Variants in HCRTR1 observed in about 807,000 individuals in gnomAD.
The protein encoded by HCRTR1 is orexin/Hypocretin receptor type 1.
In HCRTR1, 28 loss-of-function variants were observed where a neutral mutation model predicts 40.6. The ratio of observed to expected loss-of-function variants is 0.69; its 90% confidence interval spans 0.51 to 0.95. HCRTR1 has a LOEUF of 0.95. Among genes scored for constraint, HCRTR1 ranks in the 40% least tolerant of loss-of-function variants. HCRTR1 has a pLI of 0.00. For synonymous variants in HCRTR1, 209 were observed against 230.0 expected (o/e 0.91, Z 0.83); for missense variants, 482 against 564.7 (o/e 0.85, Z 1.48).
At position 31,626,795 on chromosome 1, in the gene HCRTR1, T is replaced by C; in HGVS notation, c.1093T>C (p.Phe365Leu). ...PIIYNFLSGK[F>L]REQFKAAFSC... Reference sequence around the variant, plus strand: ...TCTTTTGTCTCCCAACCAAGGCAAATTCCGGGAGCAGTTTAAGGCTGCCTT... The same window carrying C: ...TCTTTTGTCTCCCAACCAAGGCAAACTCCGGGAGCAGTTTAAGGCTGCCTT... The change falls in exon 9 of 9, where the codon TTC (phenylalanine) becomes CTC (leucine). Residue 365 changes from phenylalanine (F) to leucine (L), a missense_variant. Transcript: ENST00000403528. The surrounding 1 kb of genome is among the most constrained non-coding windows in gnomAD (Gnocchi z 4.6). 6.2e-7 allele frequency: 1 copy of C among 1,612,528 alleles called. No homozygotes were observed. The highest frequency in any genetic ancestry group is 8.5e-7 in the Non-Finnish European group (1 of 1,179,080).
chr1:31,620,006 A>T (rs1462319143), intron 4 of HCRTR1, among the ~76,000 whole-genome samples: 30 of 152,326 alleles, frequency 2.0e-4, no homozygotes, highest in Admixed American at 5.2e-4. Context: ...ACAGTCAAGG[A>T]GAGAGGCAAC....
At chr1:31,622,930 A>AG (rs1382190350) in intron 6 of HCRTR1, among the ~76,000 whole-genome samples, 4 of 152,178 alleles carry the variant, frequency 2.6e-5, no homozygotes, top group Admixed American at 1.3e-4. Context: ...GGTCTTGTCA[A>AG]GGTTCCCCAC....
rs1320439747 is a variant in HCRTR1, at chr1:31,623,699, G to A, written c.915G>A (p.Leu305=). The A allele has an allele frequency of 1.2e-6, 2 of 1,614,174 alleles. No individual in the cohort carries two copies. The highest frequency in any genetic ancestry group is 1.1e-5 in the South Asian group (1 of 91,084). The change falls in exon 7 of 9, where the codon CTG becomes CTA. Residue 305 remains leucine, a synonymous_variant. Transcript: ENST00000403528. ...KTAKMLMVVL[L]VFALCYLPIS... is the part of the protein sequence containing the mutation. ...CCAAGATGCTGATGGTGGTGCTGCT[G>A]GTCTTCGCCCTCTGCTACCTGCCCA...
chr1:31,625,381 A>G lies in HCRTR1; in HGVS notation c.1087+263A>G, dbSNP rs1639954580. ...GTGAGTGAGTGGAAGGGCAGGGGCT[A>G]GGCCAGCTCACCCCCAACTCCCACC... On this transcript the variant is annotated intron_variant, in intron 8 of 8. Transcript: ENST00000403528. This position sits in a 1 kb window ranked among gnomAD's most constrained non-coding sequence, Gnocchi z 4.2. Among the ~76,000 whole-genome samples the G allele has an allele frequency of 6.6e-6, 1 of 152,148 alleles. No individual in the cohort carries two copies. Among genetic ancestry groups the G allele is most frequent in the African/African-American group, 2.4e-5 (1 of 41,440 alleles).
At chr1:31,630,661 C>T (rs1640070680), downstream of HCRTR1, 2 of 1,613,100 alleles carry the variant, frequency 1.2e-6, no homozygotes, top group African/African-American at 2.7e-5. Flanking sequence ...CGAAGCTGAG[C>T]CGAATGTTGC....
At chr1:31,620,791 C>T in intron 4 of HCRTR1, 52 bp from the exon 5 acceptor site, 2 of 1,585,120 alleles carry the variant, frequency 1.3e-6, no homozygotes, top group Non-Finnish European at 1.7e-6. Flanking sequence ...CACCTACTCT[C>T]ACATCGCTGG....
In HCRTR1 at chr1:31,619,161, G is replaced by C; in HGVS notation, c.-32G>C. 6.3e-7 allele frequency: 1 copy of C among 1,591,978 alleles called. No individual in the cohort carries two copies. Among genetic ancestry groups the C allele is most frequent in the Non-Finnish European group, 8.5e-7 (1 of 1,170,158 alleles). ...CCTCCTCTCCCTCTGTAGAGCCTAGGATGCCCCTCTGCTGCAGCGGCTCCT... is the reference window on the plus strand; with the variant it reads ...CCTCCTCTCCCTCTGTAGAGCCTAGCATGCCCCTCTGCTGCAGCGGCTCCT... On this transcript the variant is annotated 5_prime_UTR_variant, in exon 3 of 9. Coordinates refer to ENST00000403528, the MANE Select transcript of HCRTR1 (RefSeq NM_001525.3).
downstream of HCRTR1, chr1:31,633,111 C>A: frequency 6.3e-7 from 1 of 1,575,868 alleles, no homozygotes; most frequent in East Asian, 2.2e-5. Flanking sequence ...TGTCCACTAT[C>A]AGGTGGCTCT....
intron 5 of HCRTR1, 47 bp from the exon 6 acceptor site, chr1:31,621,430 T>C (rs1374318334): frequency 7.1e-7 from 1 of 1,399,634 alleles, no homozygotes; most frequent in African/African-American, 1.4e-5. Flanking sequence ...CAGGGCAGGG[T>C]GGGGCTCACG....
In HCRTR1 at chr1:31,623,615, GC is replaced by G; in HGVS notation, c.835del (p.Arg279GlyfsTer9). ...AGCAGGGCCTGAGTGGAGAGCCCCA[GC>G]CCCGGGCCCGCGCCTTCCTGGCTGA... ...LEQGLSGEPQ[P>X]RARAFLAEVK... On this transcript the variant is annotated frameshift_variant, in exon 7 of 9. Coordinates refer to ENST00000403528, the MANE Select transcript of HCRTR1 (RefSeq NM_001525.3). LOFTEE classifies it high-confidence loss of function. The G allele has an allele frequency of 6.2e-7, 1 of 1,613,846 alleles. No individual in the cohort carries two copies. Among genetic ancestry groups the G allele is most frequent in the Non-Finnish European group, 8.5e-7 (1 of 1,180,022 alleles).
At position 31,626,085 on chromosome 1, in the gene HCRTR1, T is replaced by C. The variant is rs1455703894; in HGVS notation, c.1088-705T>C. On this transcript the variant is annotated intron_variant, in intron 8 of 8. Coordinates refer to ENST00000403528, the MANE Select transcript of HCRTR1 (RefSeq NM_001525.3). The surrounding 1 kb of genome is among the most constrained non-coding windows in gnomAD (Gnocchi z 4.6). ...ACCTACTATGTGCTTGACCCTGTGCTGGGCACCAGAGAGGCTGGCAGCCTA... is the reference window on the plus strand; with the variant it reads ...ACCTACTATGTGCTTGACCCTGTGCCGGGCACCAGAGAGGCTGGCAGCCTA... Among the ~76,000 whole-genome samples the C allele has an allele frequency of 6.6e-6, 1 of 152,226 alleles. No individual in the cohort carries two copies. The highest frequency in any genetic ancestry group is 1.5e-5 in the Non-Finnish European group (1 of 68,044).
Position 31,623,723 on chromosome 1 carries a change from C to A in HCRTR1, c.939C>A (p.Pro313=). 6.2e-7 allele frequency: 1 copy of A among 1,614,072 alleles called. No homozygotes were observed. Among genetic ancestry groups the A allele is most frequent in the Non-Finnish European group, 8.5e-7 (1 of 1,179,966 alleles). ...VLLVFALCYL[P]ISVLNVLKRV... ...TGGTCTTCGCCCTCTGCTACCTGCC[C>A]ATCAGCGTCCTCAATGTCCTTAAGA... is the stretch of plus-strand genomic sequence containing the variant. Residue 313 remains proline (P), a synonymous_variant, in exon 7 of 9, where the codon CCC becomes CCA. Coordinates refer to ENST00000403528, the MANE Select transcript of HCRTR1 (RefSeq NM_001525.3).
At position 31,626,694 on chromosome 1, in the gene HCRTR1, G is replaced by C; in HGVS notation, c.1088-96G>C. Reference sequence around the variant, plus strand: ...TCCCTCCCTCCCCGCCCCCTCATAGGCAGCTTGGCTGGAGCTGCGTGGGTG... The same window carrying C: ...TCCCTCCCTCCCCGCCCCCTCATAGCCAGCTTGGCTGGAGCTGCGTGGGTG... On this transcript the variant is annotated intron_variant, in intron 8 of 8. Transcript: ENST00000403528. This position sits in a 1 kb window ranked among gnomAD's most constrained non-coding sequence, Gnocchi z 4.6. The C allele has an allele frequency of 3.5e-6, 4 of 1,144,378 alleles. No homozygotes were observed. The highest frequency in any genetic ancestry group is 3.3e-5 in the East Asian group (1 of 30,564). The allele number at this position is 1,144,378 out of a possible 1,614,324, so 70.9% of individuals were successfully genotyped here. A position where few individuals can be genotyped will look rare whatever the true frequency, so the allele number is the denominator to read the frequency against.
downstream of HCRTR1, chr1:31,632,708 C>G (rs1336489133): frequency 6.5e-7 from 1 of 1,538,762 alleles, no homozygotes; most frequent in African/African-American, 1.4e-5. Context: ...CCTCAGGACC[C>G]ATTGAGGCAG....
intron 7 of HCRTR1, 41 bp from the exon 8 acceptor site, chr1:31,624,956 G>A (rs200969458): frequency 1.7e-5 from 27 of 1,547,032 alleles, no homozygotes; most frequent in Admixed American, 7.3e-5. Context: ...ACATGCATAC[G>A]CAGCTACCCC....
At position 31,625,082 on chromosome 1, in the gene HCRTR1, A is replaced by G; in HGVS notation, c.1051A>G (p.Ser351Gly). ...CTCCCACTGGCTGGTGTACGCCAAC[A>G]GCGCTGCCAACCCCATCATCTACAA... ...TFSHWLVYAN[S>G]AANPIIYNFL... The change falls in exon 8 of 9, where the codon AGC becomes GGC. Residue 351 changes from serine to glycine, a missense_variant. Physicochemically the swap from Ser to Gly is moderately conservative, Grantham distance 56 (BLOSUM62 0). Transcript: ENST00000403528. This position sits in a 1 kb window ranked among gnomAD's most constrained non-coding sequence, Gnocchi z 4.2. 1 of 1,612,592 alleles carries G rather than the reference A, an allele frequency of 6.2e-7. No individual in the cohort carries two copies.
Position 31,623,768 on chromosome 1 carries a change from G to C in HCRTR1, c.965+19G>C. 1 of 1,592,720 alleles carries C rather than the reference G, an allele frequency of 6.3e-7. No homozygotes were observed. The highest frequency in any genetic ancestry group is 8.6e-7 in the Non-Finnish European group (1 of 1,163,500). The stretch of plus-strand genomic sequence containing the variant: ...TTAAGAGGTGAGAGCACGGGGTATG[G>C]TTGGGGTGGGGAGAAGTTTGAGGTT... On this transcript the variant is annotated intron_variant, in intron 7 of 8. Transcript: ENST00000403528.
At chr1:31,631,650 G>A (rs941694380), downstream of HCRTR1, among the ~76,000 whole-genome samples, 18 of 152,212 alleles carry the variant, frequency 1.2e-4, no homozygotes, top group Non-Finnish European at 2.4e-4. Context: ...CACATGGGAA[G>A]AATGAATTAC....
chr1:31,618,886 A>C (rs1639786665), intron 2 of HCRTR1, 70 bp downstream of exon 2: 1 of 406,314 alleles, frequency 2.5e-6, no homozygotes, highest in Non-Finnish European at 4.5e-6. Flanking sequence ...TAAGCTACCC[A>C]AGGCAACTGG....
Sources: gnomAD v4.1 joint callset for allele counts (sites outside exome capture counted in the v4.1 genomes callset) on GRCh38, gnomAD v4.1.1 for gene constraint, Gnocchi (gnomAD v3.1) non-coding constraint, MANE v1.5 for transcripts, NCBI Gene and HGNC (gene_info 2026-07-23, HGNC 2026-07-21) for gene names.